The following DOCK3 variants were observed in gnomAD, a reference collection of about 807,000 sequenced individuals.
DOCK3 encodes the protein dedicator of cytokinesis 3.
In DOCK3, 60 loss-of-function variants were observed where a neutral mutation model predicts 265.6. The observed-to-expected ratio is 0.23, with a 90% CI of 0.18 to 0.28. The LOEUF (loss-of-function observed/expected upper bound fraction) is 0.28. Among genes scored for constraint, DOCK3 ranks in the 10% least tolerant of loss-of-function variants. DOCK3 has a pLI of 1.00. For missense variants in DOCK3, 1,981 were observed against 2,594.3 expected (o/e 0.76, Z 5.14); for synonymous variants, 881 against 938.0 (o/e 0.94, Z 1.11).
chr3:50,880,973 A>G (rs1298342596), intron 3 of DOCK3, among the ~76,000 whole-genome samples: 1 of 152,220 alleles, frequency 6.6e-6, no homozygotes, highest in Admixed American at 6.5e-5. Context: ...CTGGTTCAAC[A>G]TATGCAAATC....
At chr3:51,059,273 T>C (rs1172851804) in intron 5 of DOCK3, among the ~76,000 whole-genome samples, 3 of 152,180 alleles carry the variant, frequency 2.0e-5, no homozygotes, top group Admixed American at 6.5e-5. Context: ...GGCTTGGCCC[T>C]TATAACCTAA....
chr3:51,243,875 A>G (rs1306360943), intron 21 of DOCK3, among the ~76,000 whole-genome samples: 1 of 152,076 alleles, frequency 6.6e-6, no homozygotes, highest in Non-Finnish European at 1.5e-5. Context: ...TAATTTTTGT[A>G]TATTGTATAA....
intron 49 of DOCK3, among the ~76,000 whole-genome samples, chr3:51,370,421 A>T (rs548720119): frequency 1.3e-5 from 2 of 152,374 alleles, no homozygotes; most frequent in East Asian, 3.9e-4. Context: ...ATGCACTCTG[A>T]CATTGGTCAG....
chr3:51,332,747 C>T (rs1576834864), intron 33 of DOCK3, among the ~76,000 whole-genome samples: 2 of 152,162 alleles, frequency 1.3e-5, no homozygotes, highest in African/African-American at 4.8e-5. Flanking sequence ...AGACAGTCAG[C>T]CATTGGCAAA....
At chr3:50,784,928 G>A (rs1428462908) in intron 2 of DOCK3, among the ~76,000 whole-genome samples, 9 of 152,266 alleles carry the variant, frequency 5.9e-5, no homozygotes, top group Admixed American at 2.6e-4. Flanking sequence ...AAGCCAAGGC[G>A]GGCAGATCAC....
intron 2 of DOCK3, among the ~76,000 whole-genome samples, chr3:50,796,513 T>G (rs946665679): frequency 6.6e-6 from 1 of 152,050 alleles, no homozygotes; most frequent in Non-Finnish European, 1.5e-5. Flanking sequence ...TAATTTTGTA[T>G]TTTTAGTAGA....
chr3:50,835,539 A>G (rs939490202), intron 2 of DOCK3, among the ~76,000 whole-genome samples: 2 of 152,216 alleles, frequency 1.3e-5, no homozygotes, highest in African/African-American at 4.8e-5. Context: ...AAAATTCCTT[A>G]GGGCAGCCTG....
intron 9 of DOCK3, among the ~76,000 whole-genome samples, chr3:51,093,664 T>C (rs1173191556): frequency 1.3e-5 from 2 of 152,082 alleles, no homozygotes; most frequent in East Asian, 3.9e-4. Context: ...CCTTTATTTC[T>C]TTCTCTTGCC....
At chr3:51,325,854 C>A (rs1576809710) in intron 32 of DOCK3, among the ~76,000 whole-genome samples, 1 of 152,010 alleles carries the variant, frequency 6.6e-6, no homozygotes, top group African/African-American at 2.4e-5. Context: ...TAAGTGGGAG[C>A]TGAACAATGA....
At chr3:50,718,771 ATTTTTTTT>A (rs373965842) in intron 1 of DOCK3, among the ~76,000 whole-genome samples, 5,799 of 77,060 alleles carry the variant, frequency 0.075, 179 homozygotes, top group Non-Finnish European at 0.1. Flanking sequence ...TTGTGGGTTG[ATTTTTTTT>A]TTTTTTTTTT....
intron 49 of DOCK3, among the ~76,000 whole-genome samples, chr3:51,373,090 G>A (rs2087816240): frequency 6.6e-6 from 1 of 152,200 alleles, no homozygotes; most frequent in Non-Finnish European, 1.5e-5. Flanking sequence ...TTATTACGCT[G>A]ACTTCTTCAA....
chr3:50,828,783 G>T (rs1311712973), intron 2 of DOCK3, among the ~76,000 whole-genome samples: 1 of 151,512 alleles, frequency 6.6e-6, no homozygotes, highest in East Asian at 1.9e-4. Context: ...GTGCCATCTC[G>T]GCTTACTGCA....
chr3:51,063,426 G>A (rs1252327787), intron 5 of DOCK3, among the ~76,000 whole-genome samples: 1 of 152,160 alleles, frequency 6.6e-6, no homozygotes, highest in African/African-American at 2.4e-5. Flanking sequence ...TTAGTTATAA[G>A]ATCACTGCCA....
intron 22 of DOCK3, among the ~76,000 whole-genome samples, chr3:51,258,684 A>G (rs1221122958): frequency 2.6e-5 from 4 of 151,920 alleles, no homozygotes; most frequent in Non-Finnish European, 5.9e-5. Context: ...TCCTTTACCT[A>G]TAGGGATTCT....
At chr3:51,104,278 G>A (rs1339717886) in intron 9 of DOCK3, among the ~76,000 whole-genome samples, 6 of 152,214 alleles carry the variant, frequency 3.9e-5, no homozygotes, top group East Asian at 1.9e-4. Flanking sequence ...AAAGTAGACC[G>A]TGAAGTCAGA....
intron 14 of DOCK3, among the ~76,000 whole-genome samples, chr3:51,223,739 A>G (rs1417908405): frequency 1.3e-5 from 2 of 152,178 alleles, no homozygotes; most frequent in African/African-American, 4.8e-5. Flanking sequence ...ACCTGACTTT[A>G]AAGGAGAAAG....
intron 2 of DOCK3, among the ~76,000 whole-genome samples, chr3:50,827,867 A>G (rs1368300298): frequency 1.3e-5 from 2 of 151,496 alleles, no homozygotes; most frequent in African/African-American, 4.9e-5. Context: ...TAATGATTTC[A>G]TTTAGGCTCC....
At chr3:50,973,473 A>AT (rs1559882901) in intron 5 of DOCK3, among the ~76,000 whole-genome samples, 1 of 137,798 alleles carries the variant, frequency 7.3e-6, no homozygotes, top group African/African-American at 2.8e-5. Context: ...TGAACTCATC[A>AT]TTTTTTATGG....
intron 12 of DOCK3, among the ~76,000 whole-genome samples, chr3:51,167,570 C>T (rs1397481174): frequency 1.3e-5 from 2 of 151,980 alleles, no homozygotes; most frequent in African/African-American, 2.4e-5. Context: ...ATTAATTCTT[C>T]CAATTTATGA....
Sources: allele counts gnomAD v4.1 joint callset (sites outside exome capture counted in the v4.1 genomes callset), GRCh38; gene constraint gnomAD v4.1.1; transcripts MANE v1.5; gene names NCBI Gene and HGNC (gene_info 2026-07-23, HGNC 2026-07-21).